CSMD1: variants seen among roughly 807,000 people sequenced by gnomAD.
The protein encoded by CSMD1 is CUB and Sushi multiple domains 1, also known as CUB and sushi domain-containing protein 1.
CSMD1 carries 213 observed loss-of-function variants against 417.5 expected under a neutral mutation model. The observed-to-expected ratio is 0.51, with a 90% CI of 0.46 to 0.57. CSMD1 has a LOEUF of 0.57. Ranked by LOEUF, CSMD1 falls within the 20% of genes least tolerant of loss-of-function variation. The pLI is 0.00. For missense variants in CSMD1, 6,923 were observed against 4,529.7 expected (o/e 1.53, Z -15.17); for synonymous variants, 2,862 against 1,736.8 (o/e 1.65, Z -16.11).
Position 3,534,609 on chromosome 8 carries a change from C to T in CSMD1, c.1344+40336G>A, listed in dbSNP as rs150063478. Among the ~76,000 whole-genome samples the T allele has an allele frequency of 6.9e-3, 1,045 of 151,786 alleles. 6 individuals are homozygous for T. The highest frequency in any genetic ancestry group is 7.9e-3 in the Non-Finnish European group (535 of 67,976). ...ATCTAAAAGTTGTGTTTCCTAAGGG[C>T]TTTTCTGCTAGATGTCAGTTGGTAT... On this transcript the variant is annotated intron_variant, in intron 10 of 69. Coordinates refer to ENST00000635120, the MANE Select transcript of CSMD1 (RefSeq NM_033225.6).
rs557305066 is a variant in CSMD1 at position 4,070,756 on chromosome 8, C to G, written c.416-38657G>C. Among the ~76,000 whole-genome samples the G allele has an allele frequency of 2.0e-4, 31 of 152,282 alleles. No homozygotes were observed. In the South Asian group the frequency reaches 2.5e-3, roughly 12 times the overall value. ...AACCATCTCAGCATTTCCTCCACCA[C>G]GAGCCTGTCACTGACACCCTCTCAT... On this transcript the variant is annotated intron_variant, in intron 3 of 69. Transcript: ENST00000635120.
At chr8:3,373,685 T>C (rs1810119538) in intron 18 of CSMD1, 3 of 152,226 alleles carry the variant, frequency 2.0e-5, no homozygotes, top group Admixed American at 2.0e-4. Flanking sequence ...ATTTGAATTA[T>C]GTTAATCTGT....
At chr8:3,604,910 T>A (rs1801536312) in intron 8 of CSMD1, among the ~76,000 whole-genome samples, 1 of 152,214 alleles carries the variant, frequency 6.6e-6, no homozygotes. Flanking sequence ...TGGGCTTGTT[T>A]GACACTTTTC....
At chr8:4,831,267 G>A (rs1800134039) in intron 1 of CSMD1, among the ~76,000 whole-genome samples, 2 of 152,160 alleles carry the variant, frequency 1.3e-5, no homozygotes, top group Non-Finnish European at 2.9e-5. Context: ...AGGTTTGACT[G>A]GGAAATTAGT....
intron 3 of CSMD1, among the ~76,000 whole-genome samples, chr8:4,413,078 T>C (rs912892477): frequency 6.6e-6 from 1 of 152,196 alleles, no homozygotes; most frequent in African/African-American, 2.4e-5. Context: ...ATTTCACAGC[T>C]TCATGGAAAG....
intron 1 of CSMD1, among the ~76,000 whole-genome samples, chr8:4,821,496 C>T (rs1466095082): frequency 6.6e-6 from 1 of 152,136 alleles, no homozygotes; most frequent in Non-Finnish European, 1.5e-5. Context: ...ATATTTCATG[C>T]ACATTCTTCA....
chr8:4,821,861 C>G (rs1373637615), intron 1 of CSMD1, among the ~76,000 whole-genome samples: 1 of 152,158 alleles, frequency 6.6e-6, no homozygotes, highest in Non-Finnish European at 1.5e-5. Flanking sequence ...TCCCCACTGC[C>G]TCCACACGCT....
At chr8:4,022,249 G>C (rs974210521) in intron 4 of CSMD1, among the ~76,000 whole-genome samples, 1 of 150,064 alleles carries the variant, frequency 6.7e-6, no homozygotes, top group African/African-American at 2.5e-5. Flanking sequence ...TTTGGTCTAT[G>C]CCTCACTATT....
intron 10 of CSMD1, among the ~76,000 whole-genome samples, chr8:3,500,123 G>C (rs903407765): frequency 6.6e-6 from 1 of 152,084 alleles, no homozygotes; most frequent in African/African-American, 2.4e-5. Context: ...GATCCTACCT[G>C]CGCACTTCAC....
intron 11 of CSMD1, among the ~76,000 whole-genome samples, chr8:3,484,321 G>A (rs1604017): frequency 2.9e-3 from 437 of 152,294 alleles, no homozygotes; most frequent in African/African-American, 0.01. Flanking sequence ...CAGAAAAGCA[G>A]TTCAATGGAG....
Position 3,408,040 on chromosome 8 carries a change from C to T in CSMD1, c.1930G>A (p.Gly644Ser), listed in dbSNP as rs763998094. The change falls in exon 14 of 70, where the codon GGC (glycine) becomes AGC (serine). Residue 644 changes from glycine (G) to serine (S), a missense_variant. By Grantham distance (56) the Gly-to-Ser change is moderately conservative. Coordinates refer to ENST00000635120, the MANE Select transcript of CSMD1 (RefSeq NM_033225.6). ...CCCAGGACAGTTATGTCAGAAATGC[C>T]ATCATCCTTGACCGCGAGAAAGTCA... Reference protein sequence around the residue: ...QFDFLAVKDDGISDITVLGTF... With the variant: ...QFDFLAVKDDSISDITVLGTF... 2 of 1,613,886 alleles carry T rather than the reference C, an allele frequency of 1.2e-6. No homozygotes were observed. The highest frequency in any genetic ancestry group is 8.5e-7 in the Non-Finnish European group (1 of 1,179,884).
chr8:4,261,198 G>C (rs1213210163), intron 3 of CSMD1, among the ~76,000 whole-genome samples: 1 of 152,138 alleles, frequency 6.6e-6, no homozygotes, highest in Non-Finnish European at 1.5e-5. Flanking sequence ...TAAGTTAAAA[G>C]CTACTAGAGA....
intron 1 of CSMD1, among the ~76,000 whole-genome samples, chr8:4,746,521 T>A: frequency 6.6e-6 from 1 of 152,196 alleles, no homozygotes. Flanking sequence ...AATTAAAAGG[T>A]CTGTTTTACA....
intron 5 of CSMD1, among the ~76,000 whole-genome samples, chr8:3,942,339 G>C (rs975129473): frequency 6.6e-6 from 1 of 151,972 alleles, no homozygotes; most frequent in Non-Finnish European, 1.5e-5. Context: ...CAAGAAACTG[G>C]TGTCAGGCGC....
chr8:4,303,786 G>A (rs913831879), intron 3 of CSMD1, among the ~76,000 whole-genome samples: 1 of 151,934 alleles, frequency 6.6e-6, no homozygotes, highest in African/African-American at 2.4e-5. Context: ...CTCCTGAGTA[G>A]CTGGGACTAC....
At chr8:4,324,101 G>A (rs1205639684) in intron 3 of CSMD1, among the ~76,000 whole-genome samples, 1 of 152,106 alleles carries the variant, frequency 6.6e-6, no homozygotes, top group South Asian at 2.1e-4. Flanking sequence ...CCTTCCCAAT[G>A]ACATCACCTA....
intron 5 of CSMD1, among the ~76,000 whole-genome samples, chr8:3,783,217 A>G (rs1226332495): frequency 6.6e-6 from 1 of 152,222 alleles, no homozygotes; most frequent in African/African-American, 2.4e-5. Flanking sequence ...GTTCCTGGAT[A>G]GCAGTGCATG....
At chr8:3,673,853 C>A (rs1043578085) in intron 7 of CSMD1, among the ~76,000 whole-genome samples, 1 of 152,138 alleles carries the variant, frequency 6.6e-6, no homozygotes, top group African/African-American at 2.4e-5. Flanking sequence ...CATGGTGGCT[C>A]ACCCCTGTAA....
intron 3 of CSMD1, 51 bp from the exon 4 acceptor site, chr8:4,032,150 A>C: frequency 7.1e-7 from 1 of 1,406,010 alleles, no homozygotes; most frequent in Non-Finnish European, 9.9e-7. Context: ...TTTTCCATGG[A>C]GAGCCACTTA....
Sources: allele counts gnomAD v4.1 joint callset (sites outside exome capture counted in the v4.1 genomes callset), GRCh38; gene constraint gnomAD v4.1.1; transcripts MANE v1.5; gene names NCBI Gene and HGNC (gene_info 2026-07-23, HGNC 2026-07-21).